GRIK3: variants seen among roughly 807,000 people sequenced by gnomAD.
The protein encoded by GRIK3 is glutamate receptor ionotropic, kainate 3.
A neutral mutation model predicts 102.5 loss-of-function variants in GRIK3; 29 were observed. The observed-to-expected ratio is 0.28, with a 90% CI of 0.21 to 0.39. The LOEUF (loss-of-function observed/expected upper bound fraction) is 0.39, where lower values mean the gene tolerates loss of function less well. Ranked by LOEUF, GRIK3 falls within the 10% of genes least tolerant of loss-of-function variation. The pLI is 1.00. For synonymous variants in GRIK3, 511 were observed against 504.9 expected (o/e 1.01, Z -0.16); for missense variants, 908 against 1,252.4 (o/e 0.73, Z 4.15).
intron 2 of GRIK3, among the ~76,000 whole-genome samples, chr1:36,886,270 G>A (rs1641036269): frequency 6.6e-6 from 1 of 152,140 alleles, no homozygotes; most frequent in African/African-American, 2.4e-5. Context: ...ATGCCTCTGT[G>A]TCCCCTCCCC....
chr1:36,838,624 A>C (rs1640410418), intron 10 of GRIK3, among the ~76,000 whole-genome samples: 1 of 152,100 alleles, frequency 6.6e-6, no homozygotes, highest in Non-Finnish European at 1.5e-5. Flanking sequence ...AGTATCTGGG[A>C]AGGGCTTTTT....
At chr1:36,862,213 A>T (rs535847107) in intron 5 of GRIK3, among the ~76,000 whole-genome samples, 1 of 152,288 alleles carries the variant, frequency 6.6e-6, no homozygotes, top group South Asian at 2.1e-4. Context: ...CTTCAGTGAC[A>T]TTACATGGCT....
chr1:37,024,742 C>CA (rs11314211), intron 1 of GRIK3, among the ~76,000 whole-genome samples: 18,741 of 70,718 alleles, frequency 0.27, 2,541 homozygotes, highest in Non-Finnish European at 0.31. Context: ...GACTCCATCT[C>CA]AAAAAAAAAA....
intron 1 of GRIK3, among the ~76,000 whole-genome samples, chr1:36,892,457 G>GT (rs904219993): frequency 6.6e-6 from 1 of 150,780 alleles, no homozygotes; most frequent in African/African-American, 2.4e-5. Flanking sequence ...GAGCAACATA[G>GT]TGACACTTTG....
chr1:36,894,877 A>G (rs1054445064), intron 1 of GRIK3, among the ~76,000 whole-genome samples: 4 of 151,882 alleles, frequency 2.6e-5, no homozygotes, highest in African/African-American at 4.9e-5. Flanking sequence ...GAATCATTTC[A>G]AAATATGCCA....
Position 36,819,954 on chromosome 1 carries a change from C to A in GRIK3, c.1755-100G>T. On this transcript the variant is annotated intron_variant, in intron 11 of 15. Transcript: ENST00000373091. The surrounding 1 kb of genome is among the most constrained non-coding windows in gnomAD (Gnocchi z 4.1). ...AACACAGCTGTGCCAGCCGCCTCAG[C>A]GTCAATATCCTCATGGTTCTGCTGG... 2 of 688,594 alleles carry A rather than the reference C, an allele frequency of 2.9e-6. No individual in the cohort carries two copies. Among genetic ancestry groups the A allele is most frequent in the South Asian group, 3.2e-5 (2 of 62,724 alleles). The allele number at this position is 688,594 out of a possible 1,614,324, so 42.7% of individuals were successfully genotyped here.
chr1:36,838,451 G>T (rs1336411308), intron 10 of GRIK3, among the ~76,000 whole-genome samples: 2 of 152,176 alleles, frequency 1.3e-5, no homozygotes, highest in African/African-American at 4.8e-5. Flanking sequence ...GGGATGGAGG[G>T]TATAATCACT....
At chr1:36,928,077 G>C (rs1025888627) in intron 1 of GRIK3, among the ~76,000 whole-genome samples, 1 of 152,148 alleles carries the variant, frequency 6.6e-6, no homozygotes, top group African/African-American at 2.4e-5. Context: ...AAGCCTCTGA[G>C]CCAGGCCTGT....
intron 1 of GRIK3, among the ~76,000 whole-genome samples, chr1:36,936,427 A>G (rs1019922630): frequency 6.6e-6 from 1 of 152,232 alleles, no homozygotes; most frequent in Non-Finnish European, 1.5e-5. Flanking sequence ...TCAATTCTTG[A>G]AAGGTTATAG....
At chr1:36,946,140 T>G (rs1381805880) in intron 1 of GRIK3, among the ~76,000 whole-genome samples, 1 of 150,728 alleles carries the variant, frequency 6.6e-6, no homozygotes, top group Non-Finnish European at 1.5e-5. Context: ...GTTCCTCCAT[T>G]AAAGTTGAGG....
At chr1:36,861,933 G>A (rs1272321623) in intron 5 of GRIK3, among the ~76,000 whole-genome samples, 1 of 152,152 alleles carries the variant, frequency 6.6e-6, no homozygotes, top group East Asian at 1.9e-4. Flanking sequence ...CCCAGTGTCA[G>A]TAGGGAGTGG....
chr1:36,887,005 CT>C (rs1641044485), intron 2 of GRIK3, among the ~76,000 whole-genome samples: 1 of 152,136 alleles, frequency 6.6e-6, no homozygotes. Context: ...ACTGATGGAC[CT>C]TTAATTTACT....
intron 1 of GRIK3, among the ~76,000 whole-genome samples, chr1:36,995,397 G>C (rs1047100074): frequency 3.3e-5 from 5 of 152,098 alleles, no homozygotes. Flanking sequence ...GCTCATCCAC[G>C]GGATGGCCAG....
At chr1:36,885,220 G>A (rs480901) in intron 2 of GRIK3, among the ~76,000 whole-genome samples, 7,639 of 152,262 alleles carry the variant, frequency 0.05, 521 homozygotes, top group African/African-American at 0.15. Context: ...CTTCACTGTA[G>A]TGGTGATAAT....
rs1353552894 is a variant in GRIK3 at position 36,950,059 on chromosome 1, TGC to T, written c.116-58965_116-58964del. Among the ~76,000 whole-genome samples, 3 of 152,136 alleles carry T rather than the reference TGC, an allele frequency of 2.0e-5. No homozygotes were observed. In the East Asian group the frequency reaches 5.8e-4, roughly 29 times the overall value. On this transcript the variant is annotated intron_variant, in intron 1 of 15. Transcript: ENST00000373091. ...TCATACTGGAGTTGCTCTAAAAGTG[TGC>T]CAGATCTAGCTTCAGGGTACACACA...
At chr1:36,958,158 A>C (rs1363040972) in intron 1 of GRIK3, among the ~76,000 whole-genome samples, 1 of 92,224 alleles carries the variant, frequency 1.1e-5, no homozygotes, top group Non-Finnish European at 2.1e-5. Flanking sequence ...CTGTGCCCTG[A>C]GTCTGTGTGC....
rs763225102 is a variant in GRIK3 at position 36,812,573 on chromosome 1, G to A, written c.2091+4487C>T. Among the ~76,000 whole-genome samples, 9 of 152,002 alleles carry A rather than the reference G, an allele frequency of 5.9e-5. No individual in the cohort carries two copies. In the South Asian group the frequency reaches 1.7e-3, roughly 28 times the overall value. ...TTTTTATCTTCCAAGACGGAGGGAG[G>A]ACAACACAGGAGACGCTGTTTGTGA... is the stretch of plus-strand genomic sequence containing the variant. On this transcript the variant is annotated intron_variant, in intron 13 of 15. Coordinates refer to ENST00000373091, the MANE Select transcript of GRIK3 (RefSeq NM_000831.4).
chr1:36,988,893 C>A (rs1242036791), intron 1 of GRIK3, among the ~76,000 whole-genome samples: 5 of 152,124 alleles, frequency 3.3e-5, no homozygotes, highest in African/African-American at 9.7e-5. Context: ...AACACCCGCG[C>A]TTTATAAATA....
At chr1:36,923,865 C>G (rs1641498769) in intron 1 of GRIK3, among the ~76,000 whole-genome samples, 1 of 152,028 alleles carries the variant, frequency 6.6e-6, no homozygotes, top group East Asian at 1.9e-4. Context: ...ATGTGTCTAT[C>G]TGGTTGGCTG....
Sources: allele counts gnomAD v4.1 joint callset (sites outside exome capture counted in the v4.1 genomes callset), GRCh38; gene constraint gnomAD v4.1.1; non-coding constraint Gnocchi (gnomAD v3.1); transcripts MANE v1.5; gene names NCBI Gene and HGNC (gene_info 2026-07-23, HGNC 2026-07-21).